Variants in NEXMIF observed in about 807,000 individuals in gnomAD.
NEXMIF encodes the protein neurite extension and migration factor.
In NEXMIF, 8 loss-of-function variants were observed where a neutral mutation model predicts 62.1. The observed-to-expected ratio is 0.13, with a 90% CI of 0.08 to 0.23. The LOEUF is 0.23. Among genes scored for constraint, NEXMIF ranks in the 10% least tolerant of loss-of-function variants. The probability of loss-of-function intolerance (pLI) is 1.00; values close to 1 mark genes in which losing one functional copy is unlikely to be tolerated. For missense variants in NEXMIF, 976 were observed against 1,113.3 expected (o/e 0.88, Z 1.75); for synonymous variants, 404 against 416.6 (o/e 0.97, Z 0.37).
chrX:74,797,969 A>G (rs967621037), intron 1 of NEXMIF, among the ~76,000 whole-genome samples: 3 of 112,380 alleles, frequency 2.7e-5, no homozygotes, highest in African/African-American at 9.7e-5. Context: ...GTGAAAGCCA[A>G]TCTAAAGGTG....
chrX:74,914,498 C>T (rs1026587489), intron 1 of NEXMIF, among the ~76,000 whole-genome samples: 2 of 110,992 alleles, frequency 1.8e-5, no homozygotes, highest in African/African-American at 6.6e-5. Flanking sequence ...CATGGTGAAA[C>T]CTATCCCTAC....
chrX:74,895,432 C>T (rs1181825302), intron 1 of NEXMIF, among the ~76,000 whole-genome samples: 1 of 111,724 alleles, frequency 9.0e-6, no homozygotes, highest in Non-Finnish European at 1.9e-5. Context: ...ATATCAATGA[C>T]ATTATTCACA....
At chrX:74,793,252 T>A (rs2080292244) in intron 1 of NEXMIF, among the ~76,000 whole-genome samples, 1 of 110,426 alleles carries the variant, frequency 9.1e-6, no homozygotes, top group African/African-American at 3.3e-5. Flanking sequence ...TTTGGCTGGA[T>A]ATGAAATTCT....
At position 74,740,146 on chromosome X, in the gene NEXMIF, G is replaced by T; in HGVS notation, c.4411C>A (p.Gln1471Lys). 8.3e-7 allele frequency: 1 copy of T among 1,210,743 alleles called. No individual in the cohort carries two copies. The highest frequency in any genetic ancestry group is 1.1e-6 in the Non-Finnish European group (1 of 894,870). ...KCKGKHMERE[Q>K]VHKDESGTAS... ...GTCCCAGACTCATCCTTGTGGACCT[G>T]TTCTCGCTCCATGTGCTTTCCCTTA... The change falls in exon 3 of 4, where the codon CAG becomes AAG. Residue 1471 changes from glutamine (Q) to lysine (K), a missense_variant. By Grantham distance (53) the Gln-to-Lys change is moderately conservative. This residue lies in a region of NEXMIF where 137 missense variants were observed against 128.9 expected (regional missense o/e 1.06). Transcript: ENST00000055682.
At chrX:74,858,715 G>A (rs1010186930) in intron 1 of NEXMIF, among the ~76,000 whole-genome samples, 1 of 111,202 alleles carries the variant, frequency 9.0e-6, no homozygotes, top group African/African-American at 3.3e-5. Flanking sequence ...AAACAGATAT[G>A]TGAACATTCA....
chrX:74,872,018 G>A, intron 1 of NEXMIF, among the ~76,000 whole-genome samples: 1 of 111,571 alleles, frequency 9.0e-6, no homozygotes, highest in East Asian at 2.8e-4. Flanking sequence ...TATTAATTGG[G>A]GAAGTGATAA....
Position 74,741,838 on chromosome X carries a change from C to T in NEXMIF, c.2719G>A (p.Glu907Lys). 8.3e-7 allele frequency: 1 copy of T among 1,211,772 alleles called. No individual in the cohort carries two copies. The part of the protein sequence containing the change: ...TQEFMAEVSR[E>K]IAPTQSSEFG... ...TCACTGGATTGGGTTGGGGCTATCT[C>T]CCTTGAGACTTCAGCCATGAATTCC... The change falls in exon 3 of 4, where the codon GAG (glutamate) becomes AAG (lysine). Residue 907 changes from glutamate to lysine, a missense_variant. This residue lies in a region of NEXMIF where 639 missense variants were observed against 694.5 expected (regional missense o/e 0.92). Transcript: ENST00000055682.
At chrX:74,920,814 T>C (rs942470079) in intron 1 of NEXMIF, among the ~76,000 whole-genome samples, 3 of 111,539 alleles carry the variant, frequency 2.7e-5, no homozygotes, top group Non-Finnish European at 5.6e-5. Context: ...TTGGCACTAC[T>C]TTAGCACTCA....
chrX:74,821,170 G>T (rs2080394253), intron 1 of NEXMIF, among the ~76,000 whole-genome samples: 1 of 110,401 alleles, frequency 9.1e-6, no homozygotes, highest in South Asian at 3.8e-4. Flanking sequence ...ACCCTTTCCT[G>T]CCCTCTCTTC....
At chrX:74,886,100 C>A (rs756177254) in intron 1 of NEXMIF, among the ~76,000 whole-genome samples, 21 of 112,006 alleles carry the variant, frequency 1.9e-4, no homozygotes, top group African/African-American at 6.2e-4. Context: ...ATTCAACAGC[C>A]TTTCATGCTA....
At chrX:74,834,846 G>A (rs761385294) in intron 1 of NEXMIF, among the ~76,000 whole-genome samples, 1 of 111,448 alleles carries the variant, frequency 9.0e-6, no homozygotes, top group South Asian at 3.8e-4. Context: ...ATATATTTCC[G>A]TAGGTTTGGG....
At chrX:74,845,786 T>G in intron 1 of NEXMIF, among the ~76,000 whole-genome samples, 1 of 109,396 alleles carries the variant, frequency 9.1e-6, no homozygotes, top group Middle Eastern at 4.7e-3. Context: ...AACATAAAAA[T>G]CCAAGAGAAT....
intron 1 of NEXMIF, among the ~76,000 whole-genome samples, chrX:74,878,381 G>A (rs1260648759): frequency 8.9e-6 from 1 of 112,173 alleles, no homozygotes; most frequent in Non-Finnish European, 1.9e-5. Context: ...GAGAACCACT[G>A]CTCTCTTCAA....
chrX:74,899,215 G>A (rs927444491), intron 1 of NEXMIF, among the ~76,000 whole-genome samples: 2 of 111,649 alleles, frequency 1.8e-5, no homozygotes, highest in African/African-American at 6.5e-5. Flanking sequence ...AGTACTGGAA[G>A]TTCTAGCCAG....
intron 1 of NEXMIF, among the ~76,000 whole-genome samples, chrX:74,803,579 T>A (rs61397764): frequency 0.03 from 3,174 of 106,750 alleles, 144 homozygotes; most frequent in African/African-American, 0.1. Flanking sequence ...AAAAAATAAA[T>A]AAATAAATAA....
intron 1 of NEXMIF, among the ~76,000 whole-genome samples, chrX:74,786,092 C>T (rs2080259518): frequency 8.9e-6 from 1 of 111,992 alleles, no homozygotes; most frequent in African/African-American, 3.2e-5. Context: ...CTGGGATGAG[C>T]TATTTTTTGT....
At chrX:74,769,918 T>G (rs1237575640) in intron 1 of NEXMIF, 1 of 249,079 alleles carries the variant, frequency 4.0e-6, no homozygotes, top group Non-Finnish European at 7.1e-6. Flanking sequence ...TATACACAGG[T>G]AATATAAATA....
chrX:74,890,085 C>G (rs1315110254), intron 1 of NEXMIF, among the ~76,000 whole-genome samples: 3 of 108,481 alleles, frequency 2.8e-5, no homozygotes, highest in African/African-American at 1.0e-4. Flanking sequence ...CCCTGTAGCT[C>G]AATACAACAC....
chrX:74,913,474 C>A (rs779884299), intron 1 of NEXMIF, among the ~76,000 whole-genome samples: 11 of 111,170 alleles, frequency 9.9e-5, no homozygotes, highest in Admixed American at 1.9e-4. Flanking sequence ...GAAGGCAGGA[C>A]AGAAACATTA....
Sources: gnomAD v4.1 joint callset for allele counts (sites outside exome capture counted in the v4.1 genomes callset) on GRCh38, gnomAD v4.1.1 for gene constraint, gnomAD v4.1.1 regional missense constraint, MANE v1.5 for transcripts, NCBI Gene and HGNC (gene_info 2026-07-23, HGNC 2026-07-21) for gene names.